The following LRRC18 variants were observed in gnomAD, a reference collection of about 807,000 sequenced individuals.
The protein encoded by LRRC18 is leucine rich repeat containing 18, also known as leucine-rich repeat-containing protein 18.
Under a neutral mutation model 11.2 loss-of-function variants are expected in LRRC18, and 12 were observed. The ratio of observed to expected loss-of-function variants is 1.07; its 90% CI spans 0.69 to 1.74. The LOEUF (loss-of-function observed/expected upper bound fraction) is 1.74. Ranked by LOEUF, LRRC18 falls within the 40% of genes most tolerant of loss-of-function variation. LRRC18 has a pLI of 0.00. For missense variants in LRRC18, 374 were observed against 330.5 expected (o/e 1.13, Z -1.02); for synonymous variants, 155 against 130.6 (o/e 1.19, Z -1.27).
the LRRC18 span, among the ~76,000 whole-genome samples, chr10:48,919,322 C>T: frequency 0.23 from 34,817 of 152,052 alleles, 4,880 homozygotes; most frequent in East Asian, 0.39. Flanking sequence ...CAACTAAAAA[C>T]TACTAAATAT....
chr10:48,913,578 C>T (rs765114590), exon 1 of LRRC18: 1 of 1,614,142 alleles, frequency 6.2e-7, no homozygotes, highest in South Asian at 1.1e-5. Context: ...CTCCAGCCTC[C>T]TGATGGAGTC....
chr10:48,917,911 C>CA (rs1838698229), upstream of LRRC18, among the ~76,000 whole-genome samples: 1 of 152,148 alleles, frequency 6.6e-6, no homozygotes, highest in Admixed American at 6.5e-5. Context: ...ATGGAGTTGT[C>CA]AAAGTATGTA....
chr10:48,918,249 G>A (rs960678321), upstream of LRRC18, among the ~76,000 whole-genome samples: 2 of 152,290 alleles, frequency 1.3e-5, no homozygotes, highest in East Asian at 1.9e-4. Context: ...TACATTAAGT[G>A]AAAGTGACCT....
At chr10:48,919,636 G>A in the LRRC18 span, among the ~76,000 whole-genome samples, 34,761 of 152,104 alleles carry the variant, frequency 0.23, 4,873 homozygotes, top group East Asian at 0.39. Flanking sequence ...TTTTCTTGCC[G>A]TGTCCTCACA....
the LRRC18 span, among the ~76,000 whole-genome samples, chr10:48,926,157 C>T: frequency 2.6e-5 from 4 of 152,240 alleles, no homozygotes; most frequent in African/African-American, 9.6e-5. Context: ...CCACTGCCTC[C>T]CGGGAGAGGA....
upstream of LRRC18, among the ~76,000 whole-genome samples, chr10:48,918,114 A>C (rs1429119003): frequency 1.3e-5 from 2 of 152,234 alleles, no homozygotes; most frequent in Non-Finnish European, 2.9e-5. Context: ...AAAACTAAAT[A>C]TATAAATGAG....
At chr10:48,913,750 C>G in exon 1 of LRRC18, 1 of 1,613,734 alleles carries the variant, frequency 6.2e-7, no homozygotes, top group Non-Finnish European at 8.5e-7. Flanking sequence ...GTGGTGGGCA[C>G]GCTGTCCAGG....
chr10:48,933,086 G>A, the LRRC18 span, among the ~76,000 whole-genome samples: 1 of 152,126 alleles, frequency 6.6e-6, no homozygotes, highest in Non-Finnish European at 1.5e-5. Context: ...AGGAGAAGAG[G>A]GGAGTCTGTG....
At chr10:48,913,997 G>A (rs371044550) in exon 1 of LRRC18, 33 of 1,614,058 alleles carry the variant, frequency 2.0e-5, no homozygotes, top group African/African-American at 4.0e-5. Context: ...GGTCCAGCTC[G>A]TCCATGTCAC....
At chr10:48,930,408 G>A in the LRRC18 span, among the ~76,000 whole-genome samples, 1 of 152,190 alleles carries the variant, frequency 6.6e-6, no homozygotes, top group Non-Finnish European at 1.5e-5. Flanking sequence ...ACAGATGATG[G>A]CACGACGGAT....
the LRRC18 span, among the ~76,000 whole-genome samples, chr10:48,929,810 T>C: frequency 6.6e-6 from 1 of 152,154 alleles, no homozygotes; most frequent in Non-Finnish European, 1.5e-5. Flanking sequence ...GCTGACAGCC[T>C]TGGCCTCCTG....
chr10:48,913,561 AC>A lies in LRRC18; in HGVS notation c.594del (p.Leu198PhefsTer14). ...CACAGATCCTTCTCCTCCACAACAT[AC>A]AAGTTCTCCAGCCTCCTGATGGAGT... On this transcript the variant is annotated frameshift_variant, in exon 1 of 2. Transcript: ENST00000374160. LOFTEE classifies it high-confidence loss of function. 6.2e-7 allele frequency: 1 copy of A among 1,614,028 alleles called. No individual in the cohort carries two copies. Among genetic ancestry groups the A allele is most frequent in the East Asian group, 2.2e-5 (1 of 44,872 alleles).
At chr10:48,934,846 C>T in the LRRC18 span, among the ~76,000 whole-genome samples, 2 of 152,302 alleles carry the variant, frequency 1.3e-5, no homozygotes, top group East Asian at 3.9e-4. Context: ...GAGACCCAGA[C>T]TTTGGAGAGA....
intron 1 of LRRC18, 94 bp from the exon 4 acceptor site, chr10:48,910,352 T>G: frequency 1.5e-5 from 16 of 1,078,848 alleles, no homozygotes; most frequent in Non-Finnish European, 2.3e-5. Context: ...ACCAAGGTCA[T>G]GCCTGACCTT....
chr10:48,938,980 G>A, the LRRC18 span, among the ~76,000 whole-genome samples: 1 of 152,156 alleles, frequency 6.6e-6, no homozygotes, highest in Non-Finnish European at 1.5e-5. Flanking sequence ...GGCTTCATTC[G>A]AGTTCTTCTG....
At chr10:48,930,120 G>T in the LRRC18 span, among the ~76,000 whole-genome samples, 36 of 152,156 alleles carry the variant, frequency 2.4e-4, no homozygotes, top group African/African-American at 8.2e-4. Context: ...TAGTTTAATA[G>T]ATACAGTCTA....
the LRRC18 span, among the ~76,000 whole-genome samples, chr10:48,927,299 T>C: frequency 6.6e-6 from 1 of 152,164 alleles, no homozygotes; most frequent in Non-Finnish European, 1.5e-5. Flanking sequence ...CTTCATAAAG[T>C]GACCTCTCCT....
chr10:48,913,737 A>C, exon 1 of LRRC18: 5 of 1,613,480 alleles, frequency 3.1e-6, no homozygotes. Context: ...CAGGGCCCCC[A>C]GTGTGGTGGG....
upstream of LRRC18, among the ~76,000 whole-genome samples, chr10:48,917,088 C>T (rs10857657): frequency 0.75 from 114,675 of 152,094 alleles, 43,672 homozygotes; most frequent in East Asian, 1. Flanking sequence ...CTGTACAGGT[C>T]TGTAGCCTGG....
Sources: gnomAD v4.1 joint callset for allele counts (sites outside exome capture counted in the v4.1 genomes callset) on GRCh38, gnomAD v4.1.1 for gene constraint, MANE v1.5 for transcripts, NCBI Gene and HGNC (gene_info 2026-07-23, HGNC 2026-07-21) for gene names.